The following CSMD1 variants were observed in gnomAD, a reference collection of about 807,000 sequenced individuals.
The protein encoded by CSMD1 is CUB and sushi domain-containing protein 1.
In CSMD1, 213 loss-of-function variants were observed where a neutral mutation model predicts 417.5. That is an observed-to-expected ratio of 0.51 (90% CI 0.46 to 0.57). The LOEUF is 0.57. Ranked by LOEUF, CSMD1 falls within the 20% of genes least tolerant of loss-of-function variation. CSMD1 has a pLI of 0.00. For synonymous variants in CSMD1, 2,862 were observed against 1,736.8 expected (o/e 1.65, Z -16.11); for missense variants, 6,923 against 4,529.7 (o/e 1.53, Z -15.17).
intron 46 of CSMD1, among the ~76,000 whole-genome samples, chr8:3,099,047 G>A (rs1418174375): frequency 6.6e-6 from 1 of 150,744 alleles, no homozygotes; most frequent in East Asian, 2.0e-4. Context: ...CCTCTGTACT[G>A]CCCACCTCTC....
chr8:4,833,212 A>T (rs1417305675), intron 1 of CSMD1, among the ~76,000 whole-genome samples: 1 of 152,224 alleles, frequency 6.6e-6, no homozygotes, highest in Non-Finnish European at 1.5e-5. Flanking sequence ...TTATAAAGAA[A>T]AGTGGATTAA....
At position 4,726,617 on chromosome 8, in the gene CSMD1, G is replaced by C. The variant is rs144703988; in HGVS notation, c.86-89059C>G. 3.3e-5 allele frequency among the ~76,000 whole-genome samples: 5 copies of C among 152,246 alleles called. No homozygotes were observed. The East Asian group carries it at 9.7e-4, about 29-fold the overall frequency. ...CTCCCATCAGCTTCTGCAAAAGATA[G>C]AAACCCTGAATCATTATTTCAAGGT... On this transcript the variant is annotated intron_variant, in intron 1 of 69. Transcript: ENST00000635120.
chr8:4,262,217 C>G (rs1234944074), intron 3 of CSMD1, among the ~76,000 whole-genome samples: 1 of 152,198 alleles, frequency 6.6e-6, no homozygotes, highest in Non-Finnish European at 1.5e-5. Flanking sequence ...TGGACTCACA[C>G]TTGACTTGGA....
At chr8:3,790,849 T>C (rs1799696887) in intron 5 of CSMD1, among the ~76,000 whole-genome samples, 1 of 152,114 alleles carries the variant, frequency 6.6e-6, no homozygotes, top group South Asian at 2.1e-4. Context: ...TAACCGTCCC[T>C]CTCCCAGGCA....
chr8:3,789,920 A>T (rs1217789723), intron 5 of CSMD1, among the ~76,000 whole-genome samples: 2 of 151,872 alleles, frequency 1.3e-5, no homozygotes, highest in African/African-American at 2.4e-5. Context: ...TTCAGTAGAG[A>T]CGGGGTTTCA....
intron 3 of CSMD1, among the ~76,000 whole-genome samples, chr8:4,285,554 G>A (rs1797014193): frequency 6.6e-6 from 1 of 152,210 alleles, no homozygotes; most frequent in Non-Finnish European, 1.5e-5. Flanking sequence ...CTCCATGGAT[G>A]AGGGCAGGTT....
intron 8 of CSMD1, among the ~76,000 whole-genome samples, 163 bp downstream of exon 8, chr8:3,616,545 AAC>A (rs1183106917): frequency 3.3e-5 from 5 of 152,196 alleles, no homozygotes; most frequent in African/African-American, 9.6e-5. Context: ...ATAAACAAAA[AAC>A]AAAATCTCTG....
intron 1 of CSMD1, among the ~76,000 whole-genome samples, chr8:4,815,682 C>A (rs1461566670): frequency 2.0e-5 from 2 of 101,598 alleles, no homozygotes; most frequent in African/African-American, 4.5e-5. Flanking sequence ...GGCAACAAGA[C>A]CAAAGCTGTC....
chr8:4,366,028 A>T (rs1802048897), intron 3 of CSMD1, among the ~76,000 whole-genome samples: 1 of 152,270 alleles, frequency 6.6e-6, no homozygotes, highest in East Asian at 1.9e-4. Context: ...CCTGTCGCCC[A>T]GGTAGTGAGC....
At chr8:3,204,549 T>C (rs371009103) in intron 31 of CSMD1, among the ~76,000 whole-genome samples, 176 of 152,124 alleles carry the variant, frequency 1.2e-3, no homozygotes, top group African/African-American at 4.0e-3. Flanking sequence ...AACAGCAAGG[T>C]TTGGGGAGGG....
At chr8:4,146,085 C>G (rs1198928042) in intron 3 of CSMD1, among the ~76,000 whole-genome samples, 3 of 150,922 alleles carry the variant, frequency 2.0e-5, no homozygotes, top group Non-Finnish European at 4.4e-5. Context: ...TTGCATGTAT[C>G]TGCCTCCCAC....
At chr8:3,725,888 G>A (rs759753580) in intron 6 of CSMD1, among the ~76,000 whole-genome samples, 2 of 152,154 alleles carry the variant, frequency 1.3e-5, no homozygotes, top group Non-Finnish European at 2.9e-5. Flanking sequence ...ACATGCCCTT[G>A]AAAAGATGGA....
intron 3 of CSMD1, among the ~76,000 whole-genome samples, chr8:4,381,323 T>C (rs1318414431): frequency 6.6e-6 from 1 of 152,104 alleles, no homozygotes; most frequent in Non-Finnish European, 1.5e-5. Flanking sequence ...GCACTGGCTA[T>C]TCATTCCCAA....
At chr8:4,100,980 G>A (rs1018203121) in intron 3 of CSMD1, among the ~76,000 whole-genome samples, 2 of 152,156 alleles carry the variant, frequency 1.3e-5, no homozygotes, top group Admixed American at 1.3e-4. Context: ...GCACAATACT[G>A]AAATCTGAAC....
chr8:4,772,243 C>G (rs1174917390), intron 1 of CSMD1, among the ~76,000 whole-genome samples: 1 of 152,178 alleles, frequency 6.6e-6, no homozygotes, highest in African/African-American at 2.4e-5. Context: ...CAAATCCTCA[C>G]ACTCCTCTAT....
At chr8:4,256,714 A>C (rs867714338) in intron 3 of CSMD1, among the ~76,000 whole-genome samples, 2 of 152,062 alleles carry the variant, frequency 1.3e-5, no homozygotes, top group South Asian at 4.1e-4. Context: ...GTGTGGGGGA[A>C]GGAAGGCGCC....
At chr8:4,165,338 G>C (rs879272729) in intron 3 of CSMD1, among the ~76,000 whole-genome samples, 1 of 152,192 alleles carries the variant, frequency 6.6e-6, no homozygotes, top group Non-Finnish European at 1.5e-5. Context: ...GCAAACACGT[G>C]GTGTCCCACA....
chr8:2,975,590 C>A (rs181327596), intron 55 of CSMD1, among the ~76,000 whole-genome samples: 75 of 152,264 alleles, frequency 4.9e-4, no homozygotes, highest in Non-Finnish European at 9.3e-4. Context: ...CATTGGAGAA[C>A]CGGATTTTAT....
At chr8:4,887,738 A>T (rs1423423898) in intron 1 of CSMD1, among the ~76,000 whole-genome samples, 4 of 151,922 alleles carry the variant, frequency 2.6e-5, no homozygotes, top group Admixed American at 2.0e-4. Flanking sequence ...TACATTTGTT[A>T]TATTTTCCTG....
Sources: gnomAD v4.1 joint callset for allele counts (sites outside exome capture counted in the v4.1 genomes callset) on GRCh38, gnomAD v4.1.1 for gene constraint, MANE v1.5 for transcripts, NCBI Gene and HGNC (gene_info 2026-07-23, HGNC 2026-07-21) for gene names.